The following RNLS variants were observed in gnomAD, a reference collection of about 807,000 sequenced individuals.
RNLS encodes the protein renalase, FAD dependent amine oxidase, also known as renalase.
Under a neutral mutation model 39.8 loss-of-function variants are expected in RNLS, and 39 were observed. The observed-to-expected ratio is 0.98, with a 90% CI of 0.76 to 1.28. The LOEUF (loss-of-function observed/expected upper bound fraction) is 1.28, where lower values mean the gene tolerates loss of function less well. Among genes scored for constraint, RNLS ranks in the 50% most tolerant of loss-of-function variants. The pLI is 0.00. For missense variants in RNLS, 410 were observed against 413.3 expected, an observed-to-expected ratio of 0.99 and a Z score of 0.07; for synonymous variants, 147 against 150.7, an observed-to-expected ratio of 0.98 and a Z score of 0.18.
the RNLS span, among the ~76,000 whole-genome samples, chr10:88,223,309 C>T: frequency 6.6e-6 from 1 of 152,202 alleles, no homozygotes; most frequent in Non-Finnish European, 1.5e-5. Context: ...TTCCCCAAAT[C>T]CTCCAACCCT....
intron 5 of RNLS, among the ~76,000 whole-genome samples, chr10:88,347,459 A>G (rs757270727): frequency 1.3e-5 from 2 of 152,178 alleles, no homozygotes; most frequent in Non-Finnish European, 2.9e-5. Flanking sequence ...AATTCAAAAT[A>G]AGGTTATCAA....
intron 6 of RNLS, among the ~76,000 whole-genome samples, chr10:88,289,716 A>G (rs1017241501): frequency 1.3e-5 from 2 of 152,160 alleles, no homozygotes; most frequent in Non-Finnish European, 2.9e-5. Context: ...TATTGTGTTA[A>G]AAAAAGATAT....
intron 5 of RNLS, among the ~76,000 whole-genome samples, chr10:88,322,333 A>G (rs1422992281): frequency 6.6e-6 from 1 of 152,204 alleles, no homozygotes. Context: ...CATCATACTG[A>G]ATGGTGAAAA....
chr10:88,335,506 C>T lies in RNLS; in HGVS notation c.701-20865G>A, dbSNP rs150780093. Among the ~76,000 whole-genome samples, 300 of 152,276 alleles carry T rather than the reference C, an allele frequency of 2.0e-3. 5 individuals are homozygous for T. The East Asian group carries it at 0.048, about 24-fold the overall frequency. Reference sequence around the variant, plus strand: ...AAGTTTTGGGATTACAGGTGTGAGCCACCACACCCAGCCCCTCTTTTACAT... The same window carrying T: ...AAGTTTTGGGATTACAGGTGTGAGCTACCACACCCAGCCCCTCTTTTACAT... On this transcript the variant is annotated intron_variant, in intron 5 of 6. Coordinates refer to ENST00000331772, the MANE Select transcript of RNLS (RefSeq NM_001031709.3).
chr10:88,460,161 T>C (rs1214723366), intron 4 of RNLS, among the ~76,000 whole-genome samples: 1 of 152,130 alleles, frequency 6.6e-6, no homozygotes, highest in East Asian at 1.9e-4. Context: ...CATGAGATAA[T>C]GTGCTGTGGC....
At chr10:88,484,772 C>A (rs1589873750) in intron 4 of RNLS, among the ~76,000 whole-genome samples, 1 of 151,826 alleles carries the variant, frequency 6.6e-6, no homozygotes, top group Admixed American at 6.6e-5. Context: ...AAATAGCACA[C>A]CCTTAAATTT....
chr10:88,499,152 G>C (rs1263688705), intron 4 of RNLS, among the ~76,000 whole-genome samples: 1 of 152,132 alleles, frequency 6.6e-6, no homozygotes, highest in Non-Finnish European at 1.5e-5. Context: ...ACATGGAGGA[G>C]TCCATTGTTG....
intron 4 of RNLS, among the ~76,000 whole-genome samples, chr10:88,427,589 T>C (rs1324522494): frequency 6.6e-6 from 1 of 151,990 alleles, no homozygotes; most frequent in African/African-American, 2.4e-5. Context: ...TAATCAACTA[T>C]AGTACAGGAA....
chr10:88,429,180 C>A (rs571308440), intron 4 of RNLS, among the ~76,000 whole-genome samples: 1 of 151,970 alleles, frequency 6.6e-6, no homozygotes, highest in African/African-American at 2.4e-5. Flanking sequence ...GCCAGGGCCG[C>A]CACTTTCTAG....
At chr10:88,185,018 T>A in the RNLS span, among the ~76,000 whole-genome samples, 1 of 152,160 alleles carries the variant, frequency 6.6e-6, no homozygotes, top group African/African-American at 2.4e-5. Context: ...ACTGGATTTT[T>A]AAAATATCCT....
Position 88,399,574 on chromosome 10 carries a change from G to A in RNLS, c.527-36849C>T, listed in dbSNP as rs145565136. 4.7e-3 allele frequency among the ~76,000 whole-genome samples: 710 copies of A among 152,054 alleles called. 5 individuals are homozygous for A. The highest frequency in any genetic ancestry group is 0.016 in the African/African-American group (674 of 41,518). ...GTATTATACAAAACATCCAGAATAG[G>A]CAAATGCATAGAAACAGGAAGTAGA... On this transcript the variant is annotated intron_variant, in intron 4 of 6. Coordinates refer to ENST00000331772, the MANE Select transcript of RNLS (RefSeq NM_001031709.3).
At chr10:88,255,818 G>A in the RNLS span, among the ~76,000 whole-genome samples, 4,336 of 152,296 alleles carry the variant, frequency 0.028, 77 homozygotes, top group Non-Finnish European at 0.042. Flanking sequence ...TTTTTGCGTG[G>A]AAGGACTGGT....
the RNLS span, among the ~76,000 whole-genome samples, chr10:88,265,164 G>A: frequency 6.6e-6 from 1 of 151,150 alleles, no homozygotes; most frequent in Non-Finnish European, 1.5e-5. Flanking sequence ...GTTTATTTCT[G>A]GGTTCGCTTT....
chr10:88,371,634 A>G (rs1435457018), intron 4 of RNLS, among the ~76,000 whole-genome samples: 1 of 152,156 alleles, frequency 6.6e-6, no homozygotes, highest in Non-Finnish European at 1.5e-5. Context: ...CTAGCATTAT[A>G]TTTCTTAATC....
intron 4 of RNLS, among the ~76,000 whole-genome samples, chr10:88,453,422 G>A (rs1418580787): frequency 6.6e-6 from 1 of 152,200 alleles, no homozygotes; most frequent in Non-Finnish European, 1.5e-5. Context: ...GGAACTTTAA[G>A]GAGTTATTGC....
intron 4 of RNLS, among the ~76,000 whole-genome samples, chr10:88,570,975 TTTTTTTTTG>T (rs1849790837): frequency 6.9e-6 from 1 of 144,872 alleles, no homozygotes; most frequent in African/African-American, 2.5e-5. Context: ...TTTTTTTTTT[TTTTTTTTTG>T]GTTTGTTTTT....
At chr10:88,563,757 C>T (rs1849332332) in intron 4 of RNLS, among the ~76,000 whole-genome samples, 1 of 151,850 alleles carries the variant, frequency 6.6e-6, no homozygotes, top group South Asian at 2.1e-4. Context: ...TAGAAAGGTA[C>T]CCCCAAGATC....
At chr10:88,503,977 G>A (rs1347687642) in intron 4 of RNLS, among the ~76,000 whole-genome samples, 4 of 152,136 alleles carry the variant, frequency 2.6e-5, no homozygotes, top group African/African-American at 7.2e-5. Context: ...CAGCCCTGGA[G>A]AGAGGGAAGC....
chr10:88,455,561 C>T (rs375707492), intron 4 of RNLS, among the ~76,000 whole-genome samples: 124 of 152,224 alleles, frequency 8.1e-4, no homozygotes, highest in African/African-American at 2.7e-3. Context: ...CACCCATCAC[C>T]ACACCCAGCT....
Sources: allele counts gnomAD v4.1 joint callset (sites outside exome capture counted in the v4.1 genomes callset), GRCh38; gene constraint gnomAD v4.1.1; transcripts MANE v1.5; gene names NCBI Gene and HGNC (gene_info 2026-07-23, HGNC 2026-07-21).